The following IMMP2L variants were observed in gnomAD, a reference collection of about 807,000 sequenced individuals.
IMMP2L encodes mitochondrial inner membrane protease subunit 2.
A neutral mutation model predicts 19.3 loss-of-function variants in IMMP2L; 18 were observed. The observed-to-expected ratio is 0.93, with a 90% CI of 0.64 to 1.38. The LOEUF is 1.38. Ranked by LOEUF, IMMP2L falls within the 40% of genes most tolerant of loss-of-function variation. The pLI, the probability that IMMP2L is intolerant of heterozygous loss-of-function variation, is 0.00. For missense variants in IMMP2L, 233 were observed against 218.2 expected, an observed-to-expected ratio of 1.07 and a Z score of -0.43; for synonymous variants, 76 against 73.0, an observed-to-expected ratio of 1.04 and a Z score of -0.21.
chr7:111,251,363 T>C (rs1816098506), intron 3 of IMMP2L, among the ~76,000 whole-genome samples: 1 of 152,028 alleles, frequency 6.6e-6, no homozygotes, highest in Non-Finnish European at 1.5e-5. Flanking sequence ...GAGGCAGAAA[T>C]ACCATTTGTA....
intron 3 of IMMP2L, among the ~76,000 whole-genome samples, chr7:111,431,481 G>A (rs1044640964): frequency 6.6e-6 from 1 of 151,728 alleles, no homozygotes; most frequent in East Asian, 1.9e-4. Context: ...GCCCAACATA[G>A]GCAGCCAAAA....
At chr7:111,203,864 T>C (rs957110011) in intron 3 of IMMP2L, among the ~76,000 whole-genome samples, 3 of 152,170 alleles carry the variant, frequency 2.0e-5, no homozygotes, top group African/African-American at 7.2e-5. Context: ...AAACTTCTCT[T>C]GGAAACAATT....
intron 3 of IMMP2L, among the ~76,000 whole-genome samples, chr7:111,351,117 C>T (rs900386858): frequency 5.9e-5 from 9 of 152,144 alleles, no homozygotes. Context: ...TGCGTGTACA[C>T]TGGGAAAAAT....
At chr7:111,083,456 C>A (rs1383981332) in intron 3 of IMMP2L, among the ~76,000 whole-genome samples, 2 of 151,996 alleles carry the variant, frequency 1.3e-5, no homozygotes, top group Non-Finnish European at 2.9e-5. Flanking sequence ...TATTTTTTGT[C>A]AATCTGGTTA....
intron 1 of IMMP2L, among the ~76,000 whole-genome samples, chr7:111,530,565 A>T (rs995297115): frequency 2.0e-5 from 3 of 152,150 alleles, no homozygotes; most frequent in Non-Finnish European, 4.4e-5. Flanking sequence ...TTAAAAGCAA[A>T]ATAAAAGGAA....
At chr7:111,436,393 A>C (rs1341786671) in intron 3 of IMMP2L, among the ~76,000 whole-genome samples, 1 of 151,762 alleles carries the variant, frequency 6.6e-6, no homozygotes, top group Non-Finnish European at 1.5e-5. Flanking sequence ...TTAACCAAAC[A>C]ATGTATAAAT....
At chr7:111,547,505 ACCC>A (rs36099268) in intron 1 of IMMP2L, among the ~76,000 whole-genome samples, 1 of 135,818 alleles carries the variant, frequency 7.4e-6, no homozygotes. Flanking sequence ...AAACTGTCAT[ACCC>A]CCCCCCCCTT....
At chr7:110,670,699 A>C (rs74331358) in intron 5 of IMMP2L, among the ~76,000 whole-genome samples, 33,453 of 150,176 alleles carry the variant, frequency 0.22, 4,425 homozygotes, top group Middle Eastern at 0.32. Flanking sequence ...CAAAAAAAAA[A>C]AAAAACAAAA....
At chr7:111,051,483 C>T (rs1793003170) in intron 3 of IMMP2L, among the ~76,000 whole-genome samples, 1 of 152,286 alleles carries the variant, frequency 6.6e-6, no homozygotes, top group South Asian at 2.1e-4. Context: ...GAATATATTT[C>T]TGAAGTGTTT....
chr7:110,820,844 T>G (rs1459845290), intron 5 of IMMP2L, among the ~76,000 whole-genome samples: 1 of 152,098 alleles, frequency 6.6e-6, no homozygotes, highest in Non-Finnish European at 1.5e-5. Flanking sequence ...TAGATATTTA[T>G]GCGTCCTTGA....
chr7:111,153,001 T>C (rs1462414020), intron 3 of IMMP2L, among the ~76,000 whole-genome samples: 1 of 152,054 alleles, frequency 6.6e-6, no homozygotes, highest in Non-Finnish European at 1.5e-5. Context: ...TGGTTAAATA[T>C]AAATGCAAAA....
chr7:111,501,607 A>T (rs1466227974), intron 2 of IMMP2L, among the ~76,000 whole-genome samples: 2 of 152,234 alleles, frequency 1.3e-5, no homozygotes, highest in Non-Finnish European at 2.9e-5. Context: ...GAAGCCCATC[A>T]GACAAACAGC....
intron 5 of IMMP2L, among the ~76,000 whole-genome samples, chr7:110,884,289 C>G (rs1283974058): frequency 6.6e-6 from 1 of 151,840 alleles, no homozygotes. Context: ...TAATTTCTTT[C>G]ACAGAGAAAG....
chr7:111,516,997 T>C (rs1197814234), intron 2 of IMMP2L, among the ~76,000 whole-genome samples: 1 of 152,156 alleles, frequency 6.6e-6, no homozygotes, highest in African/African-American at 2.4e-5. Context: ...AATGCTGGTA[T>C]ATAAATCACA....
intron 3 of IMMP2L, among the ~76,000 whole-genome samples, chr7:111,316,807 A>C (rs1336745108): frequency 2.7e-5 from 4 of 147,682 alleles, no homozygotes; most frequent in Non-Finnish European, 6.0e-5. Context: ...TCTCACAACA[A>C]CCCAATGAGA....
intron 3 of IMMP2L, among the ~76,000 whole-genome samples, chr7:111,307,761 G>A (rs1823037273): frequency 6.6e-6 from 1 of 151,312 alleles, no homozygotes; most frequent in South Asian, 2.1e-4. Flanking sequence ...TTCCAATTGT[G>A]TTTCCAACTT....
intron 3 of IMMP2L, among the ~76,000 whole-genome samples, chr7:111,238,067 T>C (rs1329621859): frequency 6.6e-6 from 1 of 152,048 alleles, no homozygotes; most frequent in Admixed American, 6.6e-5. Flanking sequence ...CAAAGCTGCA[T>C]TGTCTTATAT....
At chr7:111,251,027 G>T (rs1443575907) in intron 3 of IMMP2L, among the ~76,000 whole-genome samples, 1 of 152,074 alleles carries the variant, frequency 6.6e-6, no homozygotes, top group Non-Finnish European at 1.5e-5. Context: ...CTAATATTCA[G>T]AGTCTACAAG....
rs34797718 is a variant in IMMP2L, at chr7:110,950,841, C to CATATATATATATAT, written c.305+12645_305+12658dup. On this transcript the variant is annotated intron_variant, in intron 4 of 5. Coordinates refer to ENST00000405709, the MANE Select transcript of IMMP2L (RefSeq NM_032549.4). ...AGATGAATGGATACACAAAATGTGGCATATATATATATATATATATATATA... is the reference window on the plus strand; with the variant it reads ...AGATGAATGGATACACAAAATGTGGCATATATATATATATATATATATATATATATATATATATA... 3.3e-3 allele frequency among the ~76,000 whole-genome samples: 331 copies of CATATATATATATAT among 100,490 alleles called. 1 individual carries two copies. The highest frequency in any genetic ancestry group is 5.3e-3 in the Middle Eastern group (1 of 188). 65.9% of individuals were successfully genotyped at this position (100,490 alleles called of 152,430 possible).
Sources: gnomAD v4.1 joint callset for allele counts (sites outside exome capture counted in the v4.1 genomes callset) on GRCh38, gnomAD v4.1.1 for gene constraint, MANE v1.5 for transcripts, NCBI Gene and HGNC (gene_info 2026-07-23, HGNC 2026-07-21) for gene names.